The following KAZN variants were observed in gnomAD, a reference collection of about 807,000 sequenced individuals.
KAZN encodes the protein kazrin.
In KAZN, 40 loss-of-function variants were observed where a neutral mutation model predicts 87.4. That is an observed-to-expected ratio of 0.46 (90% CI 0.36 to 0.60). KAZN has a LOEUF of 0.60. Ranked by LOEUF, KAZN falls within the 20% of genes least tolerant of loss-of-function variation. The pLI, the probability that KAZN is intolerant of heterozygous loss-of-function variation, is 0.00. For synonymous variants in KAZN, 466 were observed against 458.3 expected, an observed-to-expected ratio of 1.02 and a Z score of -0.22; for missense variants, 898 against 1,073.9, an observed-to-expected ratio of 0.84 and a Z score of 2.29.
At chr1:14,182,499 T>C (rs1646218810) in intron 2 of KAZN, among the ~76,000 whole-genome samples, 1 of 152,202 alleles carries the variant, frequency 6.6e-6, no homozygotes, top group Non-Finnish European at 1.5e-5. Flanking sequence ...AACAGTGTTT[T>C]GGTTATGATC....
In KAZN at chr1:14,323,814, T is replaced by C. The variant is rs1656216166; in HGVS notation, c.249+143222T>C. Among the ~76,000 whole-genome samples, 6 of 152,212 alleles carry C rather than the reference T, an allele frequency of 3.9e-5. No homozygotes were observed. The South Asian group carries it at 1.2e-3, about 31-fold the overall frequency. ...CAGAGGTTTTTAGCAAAGGAGATGA[T>C]GGCTGTACCTTTCATTTGACCCTTG... On this transcript the variant is annotated intron_variant, in intron 2 of 16. Transcript: ENST00000636203.
intron 4 of KAZN, among the ~76,000 whole-genome samples, chr1:15,052,974 C>G (rs1018249436): frequency 2.6e-5 from 4 of 152,220 alleles, no homozygotes; most frequent in Admixed American, 1.3e-4. Context: ...CACTCCTTCC[C>G]GTGCTCCCTC....
intron 1 of KAZN, among the ~76,000 whole-genome samples, chr1:13,900,815 T>C (rs556034681): frequency 6.6e-6 from 1 of 152,316 alleles, no homozygotes; most frequent in East Asian, 1.9e-4. Context: ...AGGGTTGTGA[T>C]GAGTCTGACA....
At chr1:14,322,311 C>T (rs966011812) in intron 2 of KAZN, among the ~76,000 whole-genome samples, 1 of 152,060 alleles carries the variant, frequency 6.6e-6, no homozygotes, top group African/African-American at 2.4e-5. Context: ...GAAACAATGA[C>T]GTGGCATTCT....
At chr1:14,411,828 A>T (rs574717813) in intron 2 of KAZN, among the ~76,000 whole-genome samples, 137 of 152,374 alleles carry the variant, frequency 9.0e-4, no homozygotes, top group African/African-American at 3.2e-3. Context: ...AATAACACGT[A>T]ACATAAAAAG....
chr1:14,015,228 G>T (rs1230048844), intron 1 of KAZN, among the ~76,000 whole-genome samples: 1 of 151,932 alleles, frequency 6.6e-6, no homozygotes, highest in Non-Finnish European at 1.5e-5. Flanking sequence ...AACGCATTTT[G>T]AAGTCACCAG....
chr1:14,315,725 C>G (rs866273427), intron 2 of KAZN, among the ~76,000 whole-genome samples: 7 of 152,026 alleles, frequency 4.6e-5, no homozygotes, highest in Admixed American at 1.3e-4. Context: ...TTGCCTATAT[C>G]AACAGTGTGT....
intron 1 of KAZN, among the ~76,000 whole-genome samples, chr1:14,838,570 T>TC (rs1049606388): frequency 6.6e-6 from 1 of 152,124 alleles, no homozygotes; most frequent in African/African-American, 2.4e-5. Context: ...GTGCCTCGGC[T>TC]CCCCTCTTGA....
intron 2 of KAZN, among the ~76,000 whole-genome samples, chr1:14,212,696 G>C (rs1275807487): frequency 6.6e-6 from 1 of 152,130 alleles, no homozygotes; most frequent in Non-Finnish European, 1.5e-5. Context: ...ACCAGCACCA[G>C]TGCAAGTCAG....
intron 1 of KAZN, among the ~76,000 whole-genome samples, chr1:14,757,510 A>G (rs2100526452): frequency 6.6e-6 from 1 of 152,368 alleles, no homozygotes; most frequent in East Asian, 1.9e-4. Flanking sequence ...CCTCATCAGT[A>G]AAATGGCAAC....
At chr1:15,100,307 G>A (rs1000780150) in intron 10 of KAZN, among the ~76,000 whole-genome samples, 12 of 152,136 alleles carry the variant, frequency 7.9e-5, no homozygotes, top group Non-Finnish European at 1.8e-4. Context: ...GGAAGGACAG[G>A]GAGGACCCAC....
intron 1 of KAZN, among the ~76,000 whole-genome samples, chr1:14,758,828 A>G (rs1644651195): frequency 6.6e-6 from 1 of 152,106 alleles, no homozygotes; most frequent in Non-Finnish European, 1.5e-5. Context: ...TTTGCCTTTC[A>G]GATGATGAAA....
intron 1 of KAZN, among the ~76,000 whole-genome samples, chr1:14,884,603 G>C (rs1198638833): frequency 6.6e-6 from 1 of 152,212 alleles, no homozygotes; most frequent in Non-Finnish European, 1.5e-5. Flanking sequence ...CATTTTCGAA[G>C]GTCGTTTAGA....
chr1:15,007,056 C>CAAAA lies in KAZN; in HGVS notation c.419-27675_419-27672dup, dbSNP rs35245453. 5.9e-5 allele frequency among the ~76,000 whole-genome samples: 4 copies of CAAAA among 67,844 alleles called. 1 individual carries two copies. Among genetic ancestry groups the CAAAA allele is most frequent in the African/African-American group, 1.2e-4 (2 of 17,100 alleles). The allele number at this position is 67,844 out of a possible 152,430, so 44.5% of individuals were successfully genotyped here. A position where few individuals can be genotyped will look rare whatever the true frequency, so the allele number is the denominator to read the frequency against. On this transcript the variant is annotated intron_variant, in intron 2 of 14. Coordinates refer to ENST00000376030, the MANE Select transcript of KAZN (RefSeq NM_201628.3). Reference sequence around the variant, plus strand: ...TGGGTGACAGAGCAAGACTCCGTCTCAAAAAAAAAAAAAAAAAAAAAGAAA... The same window carrying CAAAA: ...TGGGTGACAGAGCAAGACTCCGTCTCAAAAAAAAAAAAAAAAAAAAAAAAAGAAA...
intron 1 of KAZN, among the ~76,000 whole-genome samples, chr1:14,082,860 C>T (rs1643732396): frequency 6.6e-6 from 1 of 152,156 alleles, no homozygotes; most frequent in African/African-American, 2.4e-5. Context: ...CTCCCACTTA[C>T]ACTTAATGAA....
intron 2 of KAZN, among the ~76,000 whole-genome samples, chr1:14,226,315 T>C (rs1647289956): frequency 6.6e-6 from 1 of 152,060 alleles, no homozygotes; most frequent in Admixed American, 6.6e-5. Context: ...AAATTTTCAA[T>C]ATCACTAATC....
intron 1 of KAZN, among the ~76,000 whole-genome samples, chr1:14,755,499 G>T (rs1250076735): frequency 6.6e-6 from 1 of 152,158 alleles, no homozygotes; most frequent in Admixed American, 6.5e-5. Context: ...AAGGAAGGAG[G>T]AGAACAGCGC....
At chr1:14,056,275 A>G (rs1029678349) in intron 1 of KAZN, among the ~76,000 whole-genome samples, 1 of 152,238 alleles carries the variant, frequency 6.6e-6, no homozygotes, top group Admixed American at 6.5e-5. Flanking sequence ...CCTTGAAATG[A>G]GGAGATTCTC....
rs551669092 is a variant in KAZN at position 14,599,695 on chromosome 1, G to A, written c.226+472G>A. On this transcript the variant is annotated intron_variant, in intron 1 of 14. Coordinates refer to ENST00000376030, the MANE Select transcript of KAZN (RefSeq NM_201628.3). The surrounding 1 kb of genome is among the most constrained non-coding windows in gnomAD (Gnocchi z 4.4). ...TGCACTGCTGTGCACTTTTCTCCGC[G>A]GATGCCAAATCCCTTGGCTCAGTTG... Among the ~76,000 whole-genome samples the A allele has an allele frequency of 9.9e-5, 15 of 152,284 alleles. 1 individual carries two copies. The South Asian group carries it at 2.7e-3, about 27-fold the overall frequency.
Sources: gnomAD v4.1 joint callset for allele counts (sites outside exome capture counted in the v4.1 genomes callset) on GRCh38, gnomAD v4.1.1 for gene constraint, Gnocchi (gnomAD v3.1) non-coding constraint, MANE v1.5 for transcripts, NCBI Gene and HGNC (gene_info 2026-07-23, HGNC 2026-07-21) for gene names.